IFT122: variants seen among roughly 807,000 people sequenced by gnomAD.
IFT122 encodes intraflagellar transport 122.
A neutral mutation model predicts 161.6 loss-of-function variants in IFT122; 118 were observed. That is an observed-to-expected ratio of 0.73 (90% confidence interval 0.63 to 0.85). IFT122 has a LOEUF of 0.85. IFT122 is among the 40% of genes least tolerant of loss of function. IFT122 has a pLI of 0.00. For missense variants in IFT122, 1,381 were observed against 1,579.6 expected, an observed-to-expected ratio of 0.87 and a Z score of 2.13; for synonymous variants, 550 against 602.4, an observed-to-expected ratio of 0.91 and a Z score of 1.27.
Position 129,504,374 on chromosome 3 carries a change from A to G in IFT122, c.2603A>G (p.Tyr868Cys). The G allele has an allele frequency of 6.2e-7, 1 of 1,614,174 alleles. No homozygotes were observed. Among genetic ancestry groups the G allele is most frequent in the Non-Finnish European group, 8.5e-7 (1 of 1,180,002 alleles). Reference protein sequence around the residue: ...PEFKDDIYMPYAQWLAENDRF... With the variant: ...PEFKDDIYMPCAQWLAENDRF... ...TTTAAGGATGACATCTACATGCCGT[A>G]TGCTCAGTGGCTAGCAGAGAACGAT... is the stretch of plus-strand genomic sequence containing the variant. Residue 868 changes from tyrosine (Y) to cysteine (C), a missense_variant, in exon 21 of 30, where the codon TAT becomes TGT. Transcript: ENST00000348417.
In IFT122 at chr3:129,483,663, C is replaced by T; in HGVS notation, c.1832C>T (p.Ser611Phe). ...KIFCLHVFSI[S>F]AVEVPQSAPM... ...TTCTGCCTCCATGTCTTCTCCATTTCTGCCGTGGAGGTGCCGCAGGTAACT... is the reference window on the plus strand; with the variant it reads ...TTCTGCCTCCATGTCTTCTCCATTTTTGCCGTGGAGGTGCCGCAGGTAACT... Residue 611 changes from serine to phenylalanine, a missense_variant, in exon 15 of 30, where the codon TCT (serine) becomes TTT (phenylalanine). Transcript: ENST00000348417. The T allele has an allele frequency of 6.2e-7, 1 of 1,603,894 alleles. No homozygotes were observed. The highest frequency in any genetic ancestry group is 1.1e-5 in the South Asian group (1 of 89,562).
rs747032492 is a variant in IFT122, at chr3:129,450,713, G to GTTT, written c.108+798_108+800dup. ...TTTCTCAGATGGTGTGTGTGTGTGTGTTTTTTTTTTTTTTTTTTTTTTTTG... is the reference window on the plus strand; with the variant it reads ...TTTCTCAGATGGTGTGTGTGTGTGTGTTTTTTTTTTTTTTTTTTTTTTTTTTTG... On this transcript the variant is annotated intron_variant, in intron 2 of 29. Transcript: ENST00000348417. Among the ~76,000 whole-genome samples, 115 of 80,912 alleles carry GTTT rather than the reference G, an allele frequency of 1.4e-3. 1 individual carries two copies. The highest frequency in any genetic ancestry group is 1.9e-3 in the Non-Finnish European group (82 of 42,650). 53.1% of individuals were successfully genotyped at this position (80,912 alleles called of 152,430 possible).
chr3:129,515,657 T>G, intron 26 of IFT122, 58 bp downstream of exon 26: 1 of 1,444,118 alleles, frequency 6.9e-7, no homozygotes, highest in South Asian at 1.1e-5. Flanking sequence ...CCAGGCTCAC[T>G]CCACTGCTCT....
chr3:129,501,333 G>C (rs1188425148), intron 19 of IFT122, among the ~76,000 whole-genome samples: 1 of 152,126 alleles, frequency 6.6e-6, no homozygotes, highest in Non-Finnish European at 1.5e-5. Flanking sequence ...AGGTAGCAGT[G>C]GCCCAGCCAG....
chr3:129,517,518 A>AG lies in IFT122; in HGVS notation c.3316dup (p.Glu1106GlyfsTer17). The AG allele has an allele frequency of 6.2e-7, 1 of 1,613,962 alleles. No homozygotes were observed. The highest frequency in any genetic ancestry group is 2.2e-5 in the East Asian group (1 of 44,860). On this transcript the variant is annotated frameshift_variant, in exon 27 of 30. Coordinates refer to ENST00000348417, the MANE Select transcript of IFT122 (RefSeq NM_052989.3). LOFTEE classifies it high-confidence loss of function. ...ACCTGGAGGAAGGGATCACTGATGA[A>AG]GAAGCCATCTCCCTCATCGACCTGG...
chr3:129,499,188 A>G (rs2081244842), intron 18 of IFT122, among the ~76,000 whole-genome samples: 1 of 152,206 alleles, frequency 6.6e-6, no homozygotes, highest in South Asian at 2.1e-4. Context: ...ACCTGACCTC[A>G]GCACAGGATC....
chr3:129,466,979 T>C lies in IFT122; in HGVS notation c.653T>C (p.Leu218Pro). Residue 218 changes from leucine (L) to proline (P), a missense_variant, in exon 8 of 30, where the codon CTG (leucine) becomes CCG (proline). Leu to Pro is a moderately conservative substitution (Grantham distance 98, BLOSUM62 -3). Around this residue, in one of 7 missense-constraint regions of IFT122, gnomAD observed 544 missense variants for 648.0 expected, o/e 0.84. Transcript: ENST00000348417. ...NRYIQEIPST[L>P]KSAVYSSQGS... is the part of the protein sequence containing the mutation. ...TATATTCAGGAAATCCCTTCCACTC[T>C]GAAGTCAGCAGTGTACAGTAGTCAG... is the stretch of plus-strand genomic sequence containing the variant. 1.2e-6 allele frequency: 2 copies of C among 1,614,178 alleles called. No individual in the cohort carries two copies. Among genetic ancestry groups the C allele is most frequent in the Non-Finnish European group, 1.7e-6 (2 of 1,179,984 alleles).
At chr3:129,484,775 T>C (rs543543256) in intron 15 of IFT122, among the ~76,000 whole-genome samples, 1 of 152,372 alleles carries the variant, frequency 6.6e-6, no homozygotes, top group Non-Finnish European at 1.5e-5. Flanking sequence ...TAAATGTTCT[T>C]ATTCTGCATG....
At chr3:129,482,146 G>T (rs1355262960) in intron 14 of IFT122, among the ~76,000 whole-genome samples, 4 of 152,240 alleles carry the variant, frequency 2.6e-5, no homozygotes, top group African/African-American at 9.6e-5. Context: ...TCATCTGAAA[G>T]GGGGAAGGGG....
At chr3:129,463,455 C>T in intron 5 of IFT122, 105 bp from the exon 6 acceptor site, 2 of 873,342 alleles carry the variant, frequency 2.3e-6, no homozygotes, top group Non-Finnish European at 3.9e-6. Context: ...GCATAAAATC[C>T]TGGAGATCCA....
intron 19 of IFT122, among the ~76,000 whole-genome samples, chr3:129,500,503 G>A (rs970224203): frequency 2.6e-5 from 4 of 152,236 alleles, no homozygotes; most frequent in African/African-American, 9.6e-5. Flanking sequence ...CTGATCTGCT[G>A]GATGTCGATG....
In IFT122 at chr3:129,514,529, G is replaced by C. The variant is rs576743578; in HGVS notation, c.3128G>C (p.Arg1043Pro). 25 of 1,614,062 alleles carry C rather than the reference G, an allele frequency of 1.5e-5. No individual in the cohort carries two copies. Among genetic ancestry groups the C allele is most frequent in the Non-Finnish European group, 1.9e-5 (23 of 1,180,048 alleles). Residue 1043 changes from arginine (R) to proline (P), a missense_variant, in exon 25 of 30, where the codon CGC (arginine) becomes CCC (proline). By Grantham distance (103) the Arg-to-Pro change is moderately radical. Around this residue, in one of 7 missense-constraint regions of IFT122, gnomAD observed 496 missense variants for 502.5 expected, o/e 0.99. Transcript: ENST00000348417. ...KSIELGTLTI[R>P]AKPFHDSEEL... ...ATTGAGCTGGGTACCCTGACCATCC[G>C]CGCCAAGCCCTTCCACGACAGTGAG...
intron 23 of IFT122, among the ~76,000 whole-genome samples, chr3:129,510,142 C>T (rs59954110): frequency 6.6e-6 from 1 of 152,282 alleles, no homozygotes; most frequent in African/African-American, 2.4e-5. Context: ...CTCATGGCAG[C>T]CTCAAACTGC....
intron 15 of IFT122, among the ~76,000 whole-genome samples, chr3:129,484,155 T>C (rs59180237): frequency 0.13 from 19,485 of 151,668 alleles, 1,558 homozygotes; most frequent in South Asian, 0.24. Flanking sequence ...CTGCACAAGC[T>C]CTCTGAACCA....
chr3:129,460,913 C>G (rs2108066926), intron 4 of IFT122: 1 of 1,614,066 alleles, frequency 6.2e-7, no homozygotes, highest in East Asian at 2.2e-5. Flanking sequence ...CTCCACAAAA[C>G]AGTAAGAGTA....
At position 129,514,454 on chromosome 3, in the gene IFT122, C is replaced by T; in HGVS notation, c.3053C>T (p.Ala1018Val). The T allele has an allele frequency of 6.2e-7, 1 of 1,614,218 alleles. No homozygotes were observed. The highest frequency in any genetic ancestry group is 8.5e-7 in the Non-Finnish European group (1 of 1,180,034). Reference protein sequence around the residue: ...ALGAYRLARHAYDKLRGLYIP... With the variant: ...ALGAYRLARHVYDKLRGLYIP... ...GGTGCCTACAGGCTGGCCCGGCACG[C>T]CTATGACAAGCTGCGTGGCCTGTAC... is the stretch of plus-strand genomic sequence containing the variant. The change falls in exon 25 of 30, where the codon GCC (alanine) becomes GTC (valine). Residue 1018 changes from alanine (A) to valine (V), a missense_variant. Transcript: ENST00000348417.
chr3:129,502,631 G>C, intron 19 of IFT122, 80 bp from the exon 20 acceptor site: 1 of 1,516,320 alleles, frequency 6.6e-7, no homozygotes, highest in Non-Finnish European at 9.1e-7. Context: ...CAACACTGGG[G>C]ACCACAGAAT....
chr3:129,463,296 G>A (rs2076372889), intron 5 of IFT122: 1 of 436,114 alleles, frequency 2.3e-6, no homozygotes, highest in African/African-American at 2.0e-5. Context: ...TTACCACTTA[G>A]TGTCATATCT....
In IFT122 at chr3:129,460,780, C is replaced by T. The variant is rs1421130625; in HGVS notation, c.273-448C>T. On this transcript the variant is annotated intron_variant, in intron 4 of 29. Transcript: ENST00000348417. ...ATTACCCACAAGTGAAGGACTAAAACGGGTTGAGACGCCTTGCATGGTACA... is the reference window on the plus strand; with the variant it reads ...ATTACCCACAAGTGAAGGACTAAAATGGGTTGAGACGCCTTGCATGGTACA... The T allele has an allele frequency of 2.7e-5, 31 of 1,162,982 alleles. No homozygotes were observed. The Admixed American group carries it at 4.2e-4, about 16-fold the overall frequency. The allele number at this position is 1,162,982 out of a possible 1,614,324, so 72.0% of individuals were successfully genotyped here. A position where few individuals can be genotyped will look rare whatever the true frequency, so the allele number is the denominator to read the frequency against.
Sources: allele counts gnomAD v4.1 joint callset (sites outside exome capture counted in the v4.1 genomes callset), GRCh38; gene constraint gnomAD v4.1.1; regional missense constraint gnomAD v4.1.1; transcripts MANE v1.5; gene names NCBI Gene and HGNC (gene_info 2026-07-23, HGNC 2026-07-21).